The following WBP2NL variants were observed in gnomAD, a reference collection of about 807,000 sequenced individuals.
WBP2NL encodes the protein postacrosomal sheath WW domain-binding protein.
A neutral mutation model predicts 23.3 loss-of-function variants in WBP2NL; 27 were observed. The observed-to-expected ratio is 1.16, with a 90% CI of 0.85 to 1.60. The LOEUF is 1.60. Ranked by LOEUF, WBP2NL falls within the 40% of genes most tolerant of loss-of-function variation. The probability of loss-of-function intolerance (pLI) is 0.00; values close to 1 mark genes in which losing one functional copy is unlikely to be tolerated. For missense variants in WBP2NL, 370 were observed against 389.5 expected (o/e 0.95, Z 0.42); for synonymous variants, 151 against 145.9 (o/e 1.03, Z -0.25).
At chr22:42,004,985 A>C (rs927893988) in intron 1 of WBP2NL, among the ~76,000 whole-genome samples, 1 of 145,922 alleles carries the variant, frequency 6.9e-6, no homozygotes, top group Non-Finnish European at 1.5e-5. Context: ...TTGGGAGGCC[A>C]AGGTGGGCAG....
intron 1 of WBP2NL, among the ~76,000 whole-genome samples, chr22:42,006,641 T>C (rs550486711): frequency 6.6e-6 from 1 of 152,388 alleles, no homozygotes; most frequent in African/African-American, 2.4e-5. Flanking sequence ...CCCTCAGTTC[T>C]TTAGGGATGG....
chr22:42,053,523 G>A (rs556899678), intron 8 of WBP2NL, among the ~76,000 whole-genome samples: 2 of 151,240 alleles, frequency 1.3e-5, no homozygotes, highest in Non-Finnish European at 2.9e-5. Context: ...GCAGTGGCGC[G>A]ATCTCAGCTC....
At chr22:42,030,890 C>T (rs1454738544), downstream of WBP2NL, 2 of 152,178 alleles carry the variant, frequency 1.3e-5, no homozygotes, top group Admixed American at 6.6e-5. Context: ...AGTAACTGAT[C>T]TCTGGCAAAT....
At chr22:42,042,293 G>T (rs950011965) in intron 8 of WBP2NL, among the ~76,000 whole-genome samples, 1 of 152,060 alleles carries the variant, frequency 6.6e-6, no homozygotes, top group Admixed American at 6.6e-5. Context: ...CCCATAATGT[G>T]TATATTAGTT....
rs548499995 is a variant in WBP2NL, at chr22:42,004,087, G to A, written c.62+5207G>A. 3.9e-5 allele frequency among the ~76,000 whole-genome samples: 6 copies of A among 152,084 alleles called. No homozygotes were observed. In the East Asian group the frequency reaches 7.8e-4, roughly 20 times the overall value. ...AGGAGTTTGAGACCAGCTGGCCAAC[G>A]TGGTGAAACCCTGTCTCTACTAAGA... On this transcript the variant is annotated intron_variant, in intron 1 of 5. Transcript: ENST00000328823.
At chr22:42,039,567 C>T (rs1050717388) in intron 8 of WBP2NL, among the ~76,000 whole-genome samples, 5 of 152,012 alleles carry the variant, frequency 3.3e-5, no homozygotes, top group Admixed American at 2.0e-4. Context: ...CTTCTTGATT[C>T]GGTCTTGGTA....
chr22:42,042,837 T>A (rs1000823772), intron 8 of WBP2NL, among the ~76,000 whole-genome samples: 2 of 151,960 alleles, frequency 1.3e-5, no homozygotes, highest in African/African-American at 2.4e-5. Context: ...GGTGGGCAGA[T>A]CACTTGAGCC....
At chr22:42,013,154 C>A (rs1437603838) in intron 1 of WBP2NL, among the ~76,000 whole-genome samples, 1 of 151,926 alleles carries the variant, frequency 6.6e-6, no homozygotes, top group Non-Finnish European at 1.5e-5. Flanking sequence ...GAGCAGATCA[C>A]CTGAGGCCGG....
chr22:42,037,126 ATTTGTG>A (rs1255961635), downstream of WBP2NL, among the ~76,000 whole-genome samples: 3 of 101,874 alleles, frequency 2.9e-5, no homozygotes, highest in Admixed American at 1.1e-4. Context: ...GTCAGATTTC[ATTTGTG>A]TGTGTGTGTG....
intron 8 of WBP2NL, among the ~76,000 whole-genome samples, chr22:42,042,296 T>C (rs997769722): frequency 7.9e-5 from 12 of 152,222 alleles, no homozygotes; most frequent in African/African-American, 2.9e-4. Context: ...ATAATGTGTA[T>C]ATTAGTTCAC....
chr22:42,054,559 T>C (rs888391134), intron 8 of WBP2NL, among the ~76,000 whole-genome samples: 4 of 152,154 alleles, frequency 2.6e-5, no homozygotes, highest in Non-Finnish European at 2.9e-5. Flanking sequence ...TTTATACTTA[T>C]GTTTTATTCT....
intron 4 of WBP2NL, among the ~76,000 whole-genome samples, chr22:42,021,178 C>A (rs1454068708): frequency 1.3e-5 from 2 of 151,830 alleles, no homozygotes; most frequent in Non-Finnish European, 2.9e-5. Flanking sequence ...CCTCAGCCTC[C>A]CAAAGTGCTG....
chr22:42,032,186 A>C (rs996643378), downstream of WBP2NL: 1 of 152,168 alleles, frequency 6.6e-6, no homozygotes, highest in Non-Finnish European at 1.5e-5. Context: ...TGGTCATCAG[A>C]CTGCTTCTGA....
intron 8 of WBP2NL, among the ~76,000 whole-genome samples, chr22:42,053,812 T>G (rs1199817591): frequency 6.6e-6 from 1 of 152,228 alleles, no homozygotes; most frequent in African/African-American, 2.4e-5. Context: ...TCTTTGGAGA[T>G]ATGTCTATTC....
At chr22:42,002,371 T>TTCGAGAC (rs1921788759) in intron 1 of WBP2NL, among the ~76,000 whole-genome samples, 1 of 152,086 alleles carries the variant, frequency 6.6e-6, no homozygotes, top group Non-Finnish European at 1.5e-5. Flanking sequence ...TTACATGAGA[T>TTCGAGAC]CAGGAGTTCA....
At chr22:42,048,116 T>C (rs1427619595) in intron 8 of WBP2NL, among the ~76,000 whole-genome samples, 1 of 151,796 alleles carries the variant, frequency 6.6e-6, no homozygotes, top group African/African-American at 2.4e-5. Flanking sequence ...ATCCATCACA[T>C]CAACAATCTA....
chr22:42,041,751 T>C (rs562912285), intron 8 of WBP2NL, among the ~76,000 whole-genome samples: 25 of 152,318 alleles, frequency 1.6e-4, no homozygotes, highest in Admixed American at 4.6e-4. Context: ...TACAGTGTTA[T>C]ATTATTTTGT....
At chr22:42,005,643 A>G (rs912036359) in intron 1 of WBP2NL, among the ~76,000 whole-genome samples, 3 of 152,244 alleles carry the variant, frequency 2.0e-5, no homozygotes, top group African/African-American at 7.2e-5. Flanking sequence ...AGAAACAATA[A>G]CCAATACAGT....
rs1923721069 is a variant in WBP2NL, at chr22:42,019,883, T to G, written c.313+80T>G. On this transcript the variant is annotated intron_variant, in intron 3 of 5. Coordinates refer to ENST00000328823, the MANE Select transcript of WBP2NL (RefSeq NM_152613.3). ...GTTTAAGATTCAAACTTGGCTCATG[T>G]TGAAATTCAAACAAAAGCTGCCCTA... The G allele has an allele frequency of 6.3e-6, 10 of 1,599,382 alleles. No individual in the cohort carries two copies. In the Middle Eastern group the frequency reaches 1.0e-3, roughly 161 times the overall value.
Sources: gnomAD v4.1 joint callset for allele counts (sites outside exome capture counted in the v4.1 genomes callset) on GRCh38, gnomAD v4.1.1 for gene constraint, MANE v1.5 for transcripts, NCBI Gene and HGNC (gene_info 2026-07-23, HGNC 2026-07-21) for gene names.